Variants in DOCK3 observed in about 807,000 individuals in gnomAD.
The protein encoded by DOCK3 is dedicator of cytokinesis 3.
DOCK3 carries 60 observed loss-of-function variants against 265.6 expected under a neutral mutation model. That is an observed-to-expected ratio of 0.23 (90% CI 0.18 to 0.28). The LOEUF (loss-of-function observed/expected upper bound fraction) is 0.28, where lower values mean the gene tolerates loss of function less well. Ranked by LOEUF, DOCK3 falls within the 10% of genes least tolerant of loss-of-function variation. DOCK3 has a pLI of 1.00. For synonymous variants in DOCK3, 881 were observed against 938.0 expected (o/e 0.94, Z 1.11); for missense variants, 1,981 against 2,594.3 (o/e 0.76, Z 5.14).
At position 51,236,530 on chromosome 3, in the gene DOCK3, T is replaced by C. The variant is rs917504918; in HGVS notation, c.2001+102T>C. ...TATTAGAGTGAATCAGCACAAGATA[T>C]AGATGTTTCCAATAGAAAAGGGACT... On this transcript the variant is annotated intron_variant, in intron 20 of 52. Coordinates refer to ENST00000266037, the MANE Select transcript of DOCK3 (RefSeq NM_004947.5). 5 of 1,068,932 alleles carry C rather than the reference T, an allele frequency of 4.7e-6. No homozygotes were observed. The African/African-American group carries it at 8.1e-5, about 17-fold the overall frequency. The allele number at this position is 1,068,932 out of a possible 1,614,324, so 66.2% of individuals were successfully genotyped here.
Position 50,896,581 on chromosome 3 carries a change from T to C in DOCK3, c.218+6500T>C, listed in dbSNP as rs143967460. Among the ~76,000 whole-genome samples, 414 of 152,330 alleles carry C rather than the reference T, an allele frequency of 2.7e-3. 1 individual carries two copies. The highest frequency in any genetic ancestry group is 4.1e-3 in the South Asian group (20 of 4,830). ...TTGCCCATGCCTCTGCCCTGAATGG[T>C]ATTGCCTAGGTTTTTTTCTAGGGTT... On this transcript the variant is annotated intron_variant, in intron 4 of 52. Coordinates refer to ENST00000266037, the MANE Select transcript of DOCK3 (RefSeq NM_004947.5).
chr3:50,838,474 A>G (rs552996027), intron 2 of DOCK3, among the ~76,000 whole-genome samples: 3 of 152,338 alleles, frequency 2.0e-5, no homozygotes, highest in Admixed American at 6.5e-5. Flanking sequence ...TCACCAAATG[A>G]GACTCTGATG....
intron 5 of DOCK3, among the ~76,000 whole-genome samples, chr3:50,942,401 AATTATGCT>A (rs1460611028): frequency 5.9e-5 from 9 of 152,156 alleles, no homozygotes; most frequent in African/African-American, 2.2e-4. Flanking sequence ...TTTTAGCATC[AATTATGCT>A]ATTATGCTAT....
intron 28 of DOCK3, among the ~76,000 whole-genome samples, chr3:51,311,132 T>C (rs2083046870): frequency 6.6e-6 from 1 of 152,238 alleles, no homozygotes; most frequent in Admixed American, 6.5e-5. Flanking sequence ...GAATCTTTCT[T>C]GTTTCTATCT....
chr3:50,945,995 G>A (rs2076416448), intron 5 of DOCK3, among the ~76,000 whole-genome samples: 1 of 151,260 alleles, frequency 6.6e-6, no homozygotes, highest in Non-Finnish European at 1.5e-5. Context: ...GGGAAGCTGA[G>A]GCAGGAAGAT....
chr3:51,340,701 AAT>A (rs1462979387), intron 37 of DOCK3, among the ~76,000 whole-genome samples: 19 of 152,188 alleles, frequency 1.2e-4, no homozygotes. Flanking sequence ...CATCCCTTGG[AAT>A]GTAGGGAGCC....
intron 5 of DOCK3, among the ~76,000 whole-genome samples, chr3:50,989,771 C>T (rs1319972930): frequency 6.6e-6 from 1 of 152,152 alleles, no homozygotes; most frequent in Non-Finnish European, 1.5e-5. Flanking sequence ...ATGACCACAC[C>T]AGTTCTCCAA....
chr3:50,998,638 C>T (rs1204289279), intron 5 of DOCK3, among the ~76,000 whole-genome samples: 1 of 152,142 alleles, frequency 6.6e-6, no homozygotes, highest in African/African-American at 2.4e-5. Context: ...ATAGCAATAT[C>T]TTTTAGTTTC....
intron 5 of DOCK3, among the ~76,000 whole-genome samples, chr3:50,979,146 C>T (rs546779305): frequency 6.6e-6 from 1 of 152,328 alleles, no homozygotes; most frequent in African/African-American, 2.4e-5. Context: ...GGAGCTGTTC[C>T]TATTCGGCCA....
At chr3:51,356,025 A>T in intron 41 of DOCK3, 64 bp from the exon 42 acceptor site, 2 of 1,601,938 alleles carry the variant, frequency 1.2e-6, no homozygotes, top group Non-Finnish European at 1.7e-6. Flanking sequence ...TGAGGAGATG[A>T]CAGGGGTCAG....
chr3:50,838,387 T>C (rs1471968509), intron 2 of DOCK3, among the ~76,000 whole-genome samples: 5 of 152,252 alleles, frequency 3.3e-5, no homozygotes, highest in Non-Finnish European at 5.9e-5. Flanking sequence ...CAAAAATTTA[T>C]ATCTGAAAAT....
At chr3:50,734,602 GTTTTTT>G (rs771129941) in intron 1 of DOCK3, among the ~76,000 whole-genome samples, 1 of 107,372 alleles carries the variant, frequency 9.3e-6, no homozygotes, top group East Asian at 3.0e-4. Flanking sequence ...TTTACAGTGA[GTTTTTT>G]TTTTTTTTTT....
At chr3:50,685,126 CT>C (rs1358029502) in intron 1 of DOCK3, among the ~76,000 whole-genome samples, 1 of 151,916 alleles carries the variant, frequency 6.6e-6, no homozygotes, top group Admixed American at 6.6e-5. Context: ...ATCTATTATA[CT>C]TTGAACATGT....
intron 2 of DOCK3, chr3:50,786,700 G>A: frequency 1.5e-6 from 1 of 674,826 alleles, no homozygotes; most frequent in African/African-American, 1.8e-5. Context: ...CACAGATAAA[G>A]GGTTTCTCTC....
chr3:50,788,757 G>T (rs2042312631), intron 2 of DOCK3, among the ~76,000 whole-genome samples: 1 of 141,154 alleles, frequency 7.1e-6, no homozygotes, highest in South Asian at 2.6e-4. Flanking sequence ...GTGCCTGAGG[G>T]CAAGGAGGGT....
At chr3:50,691,709 T>C (rs925418491) in intron 1 of DOCK3, among the ~76,000 whole-genome samples, 8 of 152,216 alleles carry the variant, frequency 5.3e-5, no homozygotes, top group Admixed American at 3.3e-4. Context: ...TTCCTCTGCA[T>C]CCTCCCCAAT....
At chr3:51,020,908 C>T (rs2108875114) in intron 5 of DOCK3, among the ~76,000 whole-genome samples, 1 of 151,924 alleles carries the variant, frequency 6.6e-6, no homozygotes, top group South Asian at 2.1e-4. Flanking sequence ...AGCATAATGC[C>T]TGCAGCTTTG....
chr3:50,862,662 G>C (rs567869310), intron 3 of DOCK3, among the ~76,000 whole-genome samples: 17 of 152,268 alleles, frequency 1.1e-4, no homozygotes, highest in Admixed American at 8.5e-4. Context: ...CTGCAGTGTG[G>C]CTGCAGGCTC....
intron 13 of DOCK3, among the ~76,000 whole-genome samples, chr3:51,213,265 C>G (rs1007493934): frequency 2.0e-5 from 3 of 152,212 alleles, no homozygotes; most frequent in East Asian, 3.9e-4. Context: ...TAGATCAACA[C>G]CTAAATTCTT....
Sources: allele counts gnomAD v4.1 joint callset (sites outside exome capture counted in the v4.1 genomes callset), GRCh38; gene constraint gnomAD v4.1.1; transcripts MANE v1.5; gene names NCBI Gene and HGNC (gene_info 2026-07-23, HGNC 2026-07-21).